SLC12A4: variants seen among roughly 807,000 people sequenced by gnomAD.
SLC12A4 encodes solute carrier family 12 member 4, also known as electroneutral potassium-chloride cotransporter 1.
In SLC12A4, 84 loss-of-function variants were observed where a neutral mutation model predicts 119.2. The ratio of observed to expected loss-of-function variants is 0.70; its 90% CI spans 0.59 to 0.85. The LOEUF (loss-of-function observed/expected upper bound fraction) is 0.85, where lower values mean the gene tolerates loss of function less well. Ranked by LOEUF, SLC12A4 falls within the 40% of genes least tolerant of loss-of-function variation. The pLI is 0.00. For missense variants in SLC12A4, 1,298 were observed against 1,476.3 expected (o/e 0.88, Z 1.98); for synonymous variants, 599 against 604.6 (o/e 0.99, Z 0.14).
In SLC12A4 at chr16:67,945,851, T is replaced by G. The variant is rs760085300; in HGVS notation, c.2760A>C (p.Ala920=). The G allele has an allele frequency of 6.2e-7, 1 of 1,614,044 alleles. No homozygotes were observed. Among genetic ancestry groups the G allele is most frequent in the Non-Finnish European group, 8.5e-7 (1 of 1,180,024 alleles). ...VVEMHNSDIS[A]YTYERTLMME... ...TCATCAGCGTCCGCTCGTAGGTGTA[T>G]GCAGAGATGTCACTGTTATGCTGGG... Residue 920 remains alanine, a synonymous_variant, in exon 21 of 24, where the codon GCA becomes GCC. Coordinates refer to ENST00000316341, the MANE Select transcript of SLC12A4 (RefSeq NM_005072.5).
At chr16:67,946,384 G>A (rs370473342) in intron 18 of SLC12A4, 44 bp from the exon 19 acceptor site, 105 of 1,603,134 alleles carry the variant, frequency 6.5e-5, no homozygotes, top group Non-Finnish European at 8.5e-5. Context: ...GTGGCCCTCC[G>A]CCCACTGCCA....
At chr16:67,948,275 G>C in intron 13 of SLC12A4, 116 bp from the exon 14 acceptor site, 1 of 894,860 alleles carries the variant, frequency 1.1e-6, no homozygotes, top group Middle Eastern at 3.1e-4. Context: ...GCATGGCTCA[G>C]CAAGGTCTTC....
At chr16:67,958,795 G>A (rs1433854258) in intron 3 of SLC12A4, among the ~76,000 whole-genome samples, 3 of 152,090 alleles carry the variant, frequency 2.0e-5, no homozygotes, top group Admixed American at 6.6e-5. Context: ...TGGGAGAGTC[G>A]GCCCTGCCTC....
rs530851587 is a variant in SLC12A4 at position 67,953,291 on chromosome 16, G to A, written c.676-866C>T. On this transcript the variant is annotated intron_variant, in intron 6 of 23. Transcript: ENST00000316341. ...AATCCCAGCTACTCGGGAGGCTGAG[G>A]CAGGAGAATCACTTGAACCCAGGAG... is the stretch of plus-strand genomic sequence containing the variant. Among the ~76,000 whole-genome samples the A allele has an allele frequency of 3.3e-5, 5 of 152,190 alleles. No individual in the cohort carries two copies. The East Asian group carries it at 5.8e-4, about 18-fold the overall frequency.
intron 3 of SLC12A4, 116 bp downstream of exon 3, chr16:67,961,459 T>A: frequency 6.9e-7 from 1 of 1,452,010 alleles, no homozygotes; most frequent in Non-Finnish European, 9.3e-7. Context: ...CCCTGCTCAC[T>A]ATGCTTGGCA....
intron 3 of SLC12A4, among the ~76,000 whole-genome samples, chr16:67,959,002 T>C (rs917332263): frequency 2.6e-5 from 4 of 152,160 alleles, no homozygotes; most frequent in African/African-American, 7.2e-5. Context: ...GGCTTGTTTA[T>C]GGTTCTATCA....
Position 67,949,633 on chromosome 16 carries a change from G to C in SLC12A4, c.1748+167C>G, listed in dbSNP as rs894028788. 19 of 571,420 alleles carry C rather than the reference G, an allele frequency of 3.3e-5. No homozygotes were observed. The highest frequency in any genetic ancestry group is 6.5e-5 in the Admixed American group (2 of 30,892). 35.4% of individuals were successfully genotyped at this position (571,420 alleles called of 1,614,324 possible). ...CCTTATAGCTTTGGCATAGGTGCCA[G>C]GCTTGCTCCTAAATGCAGGGGTGGG... On this transcript the variant is annotated intron_variant, in intron 13 of 23. Transcript: ENST00000316341. This position sits in a 1 kb window ranked among gnomAD's most constrained non-coding sequence, Gnocchi z 4.6.
intron 5 of SLC12A4, among the ~76,000 whole-genome samples, chr16:67,955,782 G>A (rs899080427): frequency 8.5e-5 from 13 of 152,102 alleles, no homozygotes; most frequent in African/African-American, 3.1e-4. Context: ...AGGAGGCTGA[G>A]GCAGGAGAAT....
At chr16:67,961,055 G>C (rs997631578) in intron 3 of SLC12A4, among the ~76,000 whole-genome samples, 2 of 151,218 alleles carry the variant, frequency 1.3e-5, no homozygotes, top group African/African-American at 4.9e-5. Context: ...AACACTCTTA[G>C]CCAGCCTCAC....
At position 67,950,707 on chromosome 16, in the gene SLC12A4, G is replaced by A. The variant is rs751775546; in HGVS notation, c.1401C>T (p.Phe467=). 3 of 1,609,544 alleles carry A rather than the reference G, an allele frequency of 1.9e-6. No individual in the cohort carries two copies. In the Admixed American group the frequency reaches 5.0e-5, roughly 27 times the overall value. Residue 467 remains phenylalanine (F), a synonymous_variant, in exon 11 of 24, where the codon TTC becomes TTT. Transcript: ENST00000316341. This position sits in a 1 kb window ranked among gnomAD's most constrained non-coding sequence, Gnocchi z 4.3. The stretch of plus-strand genomic sequence containing the variant: ...AGGCACCAAAGAGAACCACACTGCT[G>A]AAGTCTGCGGCGGCGTCAAGGAAAA... ...LAIITTSLVY[F]SSVVLFGACI...
rs1598205017 is a variant in SLC12A4, at chr16:67,943,510, T to G, written c.*1330A>C. 1.9e-6 allele frequency: 1 copy of G among 518,246 alleles called. No homozygotes were observed. Among genetic ancestry groups the G allele is most frequent in the East Asian group, 3.6e-5 (1 of 27,814 alleles). 32.1% of individuals were successfully genotyped at this position (518,246 alleles called of 1,614,324 possible). On this transcript the variant is annotated 3_prime_UTR_variant, in exon 24 of 24. Transcript: ENST00000316341. The surrounding 1 kb of genome is among the most constrained non-coding windows in gnomAD (Gnocchi z 4.6). ...GCTCCTTTATTGCCAAAGTCCAAGG[T>G]GGGAACAGATAGGTCTGGGGGCATG...
At chr16:67,946,813 T>C (rs2058356225) in intron 17 of SLC12A4, 124 bp downstream of exon 17, 6 of 1,284,942 alleles carry the variant, frequency 4.7e-6, no homozygotes, top group Non-Finnish European at 6.4e-6. Context: ...GTGCCAGCTC[T>C]CAGGTGGCAG....
chr16:67,945,189 C>A lies in SLC12A4; in HGVS notation c.3064G>T (p.Ala1022Ser). The A allele has an allele frequency of 6.3e-7, 1 of 1,577,926 alleles. No individual in the cohort carries two copies. ...DQSNVRRMHT[A>S]VKLNEVIVTR... ...ACAATGACTTCATTGAGCTTCACAGCAGTGTGCATGCGCCGCACATTGGAT... is the reference window on the plus strand; with the variant it reads ...ACAATGACTTCATTGAGCTTCACAGAAGTGTGCATGCGCCGCACATTGGAT... The change falls in exon 23 of 24, where the codon GCT becomes TCT. Residue 1022 changes from alanine to serine, a missense_variant. Ala to Ser is a moderately conservative substitution (Grantham distance 99). Transcript: ENST00000316341.
chr16:67,946,634 C>A lies in SLC12A4; in HGVS notation c.2242-1G>T. On this transcript the variant is annotated splice_acceptor_variant, in intron 17 of 23. Transcript: ENST00000316341. LOFTEE classifies it high-confidence loss of function. Reference sequence around the variant, plus strand: ...CAATTTCCATCATGTTCTTGATGGTCTGTGGGGAACACACCCAGGGCCAAT... The same window carrying A: ...CAATTTCCATCATGTTCTTGATGGTATGTGGGGAACACACCCAGGGCCAAT... The A allele has an allele frequency of 6.2e-7, 1 of 1,608,366 alleles. No homozygotes were observed. The highest frequency in any genetic ancestry group is 1.1e-5 in the South Asian group (1 of 90,884).
Position 67,968,512 on chromosome 16 carries a change from G to A in SLC12A4, c.42C>T (p.Arg14=), listed in dbSNP as rs755771261. ...FTVVPVDGPR[R]GDYDNLEGLS... ...GCCCCTCGAGGTTGTCATAGTCGCCGCGCCTCGGCCCGTCCACTGGCACCA... is the reference window on the plus strand; with the variant it reads ...GCCCCTCGAGGTTGTCATAGTCGCCACGCCTCGGCCCGTCCACTGGCACCA... Residue 14 remains arginine, a synonymous_variant, in exon 1 of 24, where the codon CGC becomes CGT. Transcript: ENST00000316341. 6.3e-7 allele frequency: 1 copy of A among 1,584,008 alleles called. No homozygotes were observed. Among genetic ancestry groups the A allele is most frequent in the Non-Finnish European group, 8.5e-7 (1 of 1,169,776 alleles).
intron 16 of SLC12A4, 36 bp from the exon 17 acceptor site, chr16:67,947,141 G>A: frequency 6.4e-7 from 1 of 1,552,050 alleles, no homozygotes; most frequent in Admixed American, 1.9e-5. Flanking sequence ...TGAGACCAGG[G>A]CCGGCCGTTC....
chr16:67,950,211 G>A lies in SLC12A4; in HGVS notation c.1629+108C>T, dbSNP rs944001500. On this transcript the variant is annotated intron_variant, in intron 12 of 23. Transcript: ENST00000316341. This position sits in a 1 kb window ranked among gnomAD's most constrained non-coding sequence, Gnocchi z 4.3. ...TCCTCATGGATGGCCGCCTGGCCCC[G>A]GGGGCCAATAAGGGCAGGACGTGCT... is the stretch of plus-strand genomic sequence containing the variant. 32 of 1,326,784 alleles carry A rather than the reference G, an allele frequency of 2.4e-5. No individual in the cohort carries two copies. The highest frequency in any genetic ancestry group is 5.9e-5 in the African/African-American group (4 of 68,260). The allele number at this position is 1,326,784 out of a possible 1,614,324, so 82.2% of individuals were successfully genotyped here.
chr16:67,949,671 A>C lies in SLC12A4; in HGVS notation c.1748+129T>G. On this transcript the variant is annotated intron_variant, in intron 13 of 23. Coordinates refer to ENST00000316341, the MANE Select transcript of SLC12A4 (RefSeq NM_005072.5). This position sits in a 1 kb window ranked among gnomAD's most constrained non-coding sequence, Gnocchi z 4.6. ...ATGCAGGGGTGGGCTGAGCCCTGTCAGGCCACATCTCCCCATGCAGCCTGC... is the reference window on the plus strand; with the variant it reads ...ATGCAGGGGTGGGCTGAGCCCTGTCCGGCCACATCTCCCCATGCAGCCTGC... 1.6e-6 allele frequency: 1 copy of C among 640,638 alleles called. No individual in the cohort carries two copies. Among genetic ancestry groups the C allele is most frequent in the Non-Finnish European group, 2.7e-6 (1 of 375,004 alleles). The allele number at this position is 640,638 out of a possible 1,614,324, so 39.7% of individuals were successfully genotyped here.
Position 67,946,941 on chromosome 16 carries a change from TCGG to T in SLC12A4, c.2234_2236del (p.Ala745del). ...CTCCCTCCCCAAAGCAAGTACCTGC[TCGG>T]CGGCCTGAGCCTCGCCATAGCTCTC... On this transcript the variant is annotated inframe_deletion, in exon 17 of 24. Transcript: ENST00000316341. 5.6e-6 allele frequency: 9 copies of T among 1,612,806 alleles called. No individual in the cohort carries two copies. Among genetic ancestry groups the T allele is most frequent in the Non-Finnish European group, 7.6e-6 (9 of 1,179,818 alleles).
Sources: allele counts gnomAD v4.1 joint callset (sites outside exome capture counted in the v4.1 genomes callset), GRCh38; gene constraint gnomAD v4.1.1; non-coding constraint Gnocchi (gnomAD v3.1); transcripts MANE v1.5; gene names NCBI Gene and HGNC (gene_info 2026-07-23, HGNC 2026-07-21).